Variants in PRKG1 observed in about 807,000 individuals in gnomAD.
PRKG1 encodes the protein cGMP-dependent protein kinase 1.
Under a neutral mutation model 88.1 loss-of-function variants are expected in PRKG1, and 35 were observed. The observed-to-expected ratio is 0.40, with a 90% CI of 0.30 to 0.53. The LOEUF is 0.53. Ranked by LOEUF, PRKG1 falls within the 20% of genes least tolerant of loss-of-function variation. PRKG1 has a pLI of 0.59. For missense variants in PRKG1, 540 were observed against 839.8 expected, an observed-to-expected ratio of 0.64 and a Z score of 4.41; for synonymous variants, 303 against 292.5, an observed-to-expected ratio of 1.04 and a Z score of -0.37.
intron 2 of PRKG1, among the ~76,000 whole-genome samples, chr10:51,171,666 G>A (rs1275788315): frequency 6.6e-6 from 1 of 152,048 alleles, no homozygotes; most frequent in Non-Finnish European, 1.5e-5. Flanking sequence ...CTCGACAAAG[G>A]CAGCGATCTG....
At chr10:52,014,227 C>T (rs10762525) in intron 5 of PRKG1, among the ~76,000 whole-genome samples, 74,767 of 151,934 alleles carry the variant, frequency 0.49, 18,601 homozygotes, top group East Asian at 0.59. Flanking sequence ...GAGGTTTAAT[C>T]GACTCATGGT....
chr10:51,850,663 C>A (rs1199872994), intron 4 of PRKG1, among the ~76,000 whole-genome samples: 1 of 151,970 alleles, frequency 6.6e-6, no homozygotes, highest in Non-Finnish European at 1.5e-5. Flanking sequence ...ATACCTACAG[C>A]CTAACAGAAA....
At chr10:51,469,489 A>C (rs945444852) in intron 3 of PRKG1, among the ~76,000 whole-genome samples, 1 of 151,818 alleles carries the variant, frequency 6.6e-6, no homozygotes, top group Non-Finnish European at 1.5e-5. Flanking sequence ...TTTACAGCAA[A>C]GATTTTTAAT....
chr10:52,276,577 T>C (rs1841879502), intron 12 of PRKG1, among the ~76,000 whole-genome samples: 1 of 152,144 alleles, frequency 6.6e-6, no homozygotes, highest in South Asian at 2.1e-4. Context: ...AACTGCCATC[T>C]AGCTTAAAAC....
intron 1 of PRKG1, among the ~76,000 whole-genome samples, chr10:51,117,479 G>A (rs188419864): frequency 3.3e-5 from 5 of 152,336 alleles, no homozygotes; most frequent in African/African-American, 4.8e-5. Context: ...GAATGTACAC[G>A]ATGAGCCAAG....
At chr10:51,424,421 A>AT (rs1306512697) in intron 2 of PRKG1, among the ~76,000 whole-genome samples, 10 of 152,080 alleles carry the variant, frequency 6.6e-5, no homozygotes, top group South Asian at 2.1e-4. Flanking sequence ...AACTTTTTAG[A>AT]TTTTTTTTAA....
intron 10 of PRKG1, among the ~76,000 whole-genome samples, chr10:52,271,016 T>C (rs1237824977): frequency 2.6e-5 from 4 of 152,132 alleles, no homozygotes; most frequent in African/African-American, 4.8e-5. Context: ...TTTTCTACTC[T>C]TTTGACAGAA....
At chr10:52,034,160 C>G (rs1178865694) in intron 5 of PRKG1, among the ~76,000 whole-genome samples, 1 of 152,060 alleles carries the variant, frequency 6.6e-6, no homozygotes, top group Non-Finnish European at 1.5e-5. Context: ...CGTACATGTG[C>G]AAATCACAGG....
intron 5 of PRKG1, among the ~76,000 whole-genome samples, chr10:52,014,970 G>A (rs11596261): frequency 0.086 from 13,139 of 152,294 alleles, 793 homozygotes; most frequent in Non-Finnish European, 0.13. Flanking sequence ...CCCCACAGCT[G>A]ATTTAATGGG....
intron 9 of PRKG1, among the ~76,000 whole-genome samples, chr10:52,190,106 TGTGACA>T (rs1839326351): frequency 1.3e-5 from 2 of 152,202 alleles, no homozygotes; most frequent in South Asian, 4.1e-4. Flanking sequence ...AAATTAGTTT[TGTGACA>T]GTGGATACTG....
intron 4 of PRKG1, among the ~76,000 whole-genome samples, chr10:51,819,941 T>C (rs1009716140): frequency 1.3e-5 from 2 of 152,192 alleles, no homozygotes; most frequent in Non-Finnish European, 2.9e-5. Context: ...AGCTTCATCA[T>C]CATGACAATT....
At chr10:51,744,975 T>C (rs1397879132) in intron 3 of PRKG1, among the ~76,000 whole-genome samples, 1 of 152,214 alleles carries the variant, frequency 6.6e-6, no homozygotes, top group Non-Finnish European at 1.5e-5. Context: ...GGGAACAGTA[T>C]GTTTATAGTA....
At chr10:52,081,510 A>G (rs1353102685) in intron 7 of PRKG1, 6 of 445,296 alleles carry the variant, frequency 1.3e-5, no homozygotes, top group Admixed American at 9.6e-5. Flanking sequence ...TGTGTCTTCA[A>G]TTAAGGTAGG....
At chr10:52,171,586 C>T (rs1273211590) in intron 9 of PRKG1, among the ~76,000 whole-genome samples, 1 of 152,060 alleles carries the variant, frequency 6.6e-6, no homozygotes, top group Non-Finnish European at 1.5e-5. Flanking sequence ...TGTAATCAGA[C>T]TAGGCAGAAG....
chr10:51,989,259 A>G (rs1844241302), intron 5 of PRKG1, among the ~76,000 whole-genome samples: 1 of 152,104 alleles, frequency 6.6e-6, no homozygotes, highest in South Asian at 2.1e-4. Flanking sequence ...TTATTATATG[A>G]GGTCTTAAAT....
intron 2 of PRKG1, among the ~76,000 whole-genome samples, chr10:51,275,473 T>C (rs762822752): frequency 5.7e-4 from 87 of 152,216 alleles, no homozygotes; most frequent in Non-Finnish European, 1.1e-3. Context: ...TATTTCCTCA[T>C]AGCGTGGTGA....
At chr10:52,235,776 G>C (rs1402152231) in intron 9 of PRKG1, among the ~76,000 whole-genome samples, 1 of 103,104 alleles carries the variant, frequency 9.7e-6, no homozygotes, top group Non-Finnish European at 2.0e-5. Context: ...AAGTCAACAA[G>C]GATACCCAGG....
At chr10:52,245,033 C>G (rs1422998325) in intron 9 of PRKG1, among the ~76,000 whole-genome samples, 1 of 148,778 alleles carries the variant, frequency 6.7e-6, no homozygotes, top group Non-Finnish European at 1.5e-5. Flanking sequence ...TTTTTATTTA[C>G]TTTTCCAGAC....
chr10:52,038,010 C>T (rs1368698617), intron 5 of PRKG1, among the ~76,000 whole-genome samples: 1 of 152,092 alleles, frequency 6.6e-6, no homozygotes, highest in Non-Finnish European at 1.5e-5. Flanking sequence ...GCACCTCAGA[C>T]CATTTGGCTA....
Sources: gnomAD v4.1 joint callset for allele counts (sites outside exome capture counted in the v4.1 genomes callset) on GRCh38, gnomAD v4.1.1 for gene constraint, MANE v1.5 for transcripts, NCBI Gene and HGNC (gene_info 2026-07-23, HGNC 2026-07-21) for gene names.